Variants in RBFOX1 observed in about 807,000 individuals in gnomAD.
RBFOX1 encodes the protein RNA binding fox-1 homolog 1.
RBFOX1 carries 8 observed loss-of-function variants against 57.7 expected under a neutral mutation model. The ratio of observed to expected loss-of-function variants is 0.14; its 90% CI spans 0.08 to 0.25. The LOEUF is 0.25. RBFOX1 is among the 10% of genes least tolerant of loss of function. The pLI, the probability that RBFOX1 is intolerant of heterozygous loss-of-function variation, is 1.00. For missense variants in RBFOX1, 611 were observed against 548.5 expected, an observed-to-expected ratio of 1.11 and a Z score of -1.14; for synonymous variants, 326 against 222.4, an observed-to-expected ratio of 1.47 and a Z score of -4.15.
intron 4 of RBFOX1, among the ~76,000 whole-genome samples, chr16:7,361,202 G>A (rs1185759171): frequency 1.3e-5 from 2 of 152,118 alleles, no homozygotes; most frequent in Non-Finnish European, 2.9e-5. Context: ...AGTGAAGCCA[G>A]TTTCGTTTTA....
chr16:7,064,075 CTGTACT>C (rs1197839595), intron 4 of RBFOX1, among the ~76,000 whole-genome samples: 1 of 151,654 alleles, frequency 6.6e-6, no homozygotes, highest in Non-Finnish European at 1.5e-5. Flanking sequence ...CAGAATGTGA[CTGTACT>C]TGAAGCTAAG....
chr16:6,814,648 G>C (rs575125694), intron 3 of RBFOX1, among the ~76,000 whole-genome samples: 105 of 152,290 alleles, frequency 6.9e-4, no homozygotes, highest in African/African-American at 2.4e-3. Context: ...AGGGGACAAA[G>C]AGGCTAAGGG....
intron 3 of RBFOX1, among the ~76,000 whole-genome samples, chr16:6,898,947 G>T (rs1260336995): frequency 6.6e-6 from 1 of 151,270 alleles, no homozygotes; most frequent in Admixed American, 6.6e-5. Flanking sequence ...GTGTATATGT[G>T]TATAATACAT....
chr16:6,636,506 T>C (rs1169788939), intron 2 of RBFOX1, among the ~76,000 whole-genome samples: 3 of 151,924 alleles, frequency 2.0e-5, no homozygotes, highest in African/African-American at 7.3e-5. Context: ...GCTCAACCTT[T>C]AATAACAATA....
chr16:6,977,192 A>G (rs555793394), intron 3 of RBFOX1, among the ~76,000 whole-genome samples: 1 of 145,202 alleles, frequency 6.9e-6, no homozygotes, highest in Non-Finnish European at 1.5e-5. Context: ...TATATATCAC[A>G]TATATATGTT....
chr16:5,669,130 C>T (rs1465851757), intron 3 of RBFOX1, among the ~76,000 whole-genome samples: 1 of 152,142 alleles, frequency 6.6e-6, no homozygotes, highest in Non-Finnish European at 1.5e-5. Context: ...TCTCATGGAG[C>T]TGAAAATTCC....
At chr16:5,582,773 C>T (rs540150301) in intron 2 of RBFOX1, among the ~76,000 whole-genome samples, 53 of 152,138 alleles carry the variant, frequency 3.5e-4, no homozygotes, top group Non-Finnish European at 6.2e-4. Flanking sequence ...TCGGATGACC[C>T]TGGGAAGTTC....
At chr16:7,333,514 C>T (rs1349324971) in intron 4 of RBFOX1, among the ~76,000 whole-genome samples, 3 of 152,132 alleles carry the variant, frequency 2.0e-5, no homozygotes, top group Admixed American at 1.3e-4. Flanking sequence ...ATTCATAGGA[C>T]GCCTCCACAC....
intron 3 of RBFOX1, among the ~76,000 whole-genome samples, chr16:6,933,080 C>G (rs76380251): frequency 6.6e-6 from 1 of 152,206 alleles, no homozygotes; most frequent in Admixed American, 6.5e-5. Flanking sequence ...GATTTCTTCC[C>G]TGTCTAAGGA....
chr16:6,780,918 C>G (rs2080908900), intron 3 of RBFOX1, among the ~76,000 whole-genome samples: 1 of 152,046 alleles, frequency 6.6e-6, no homozygotes, highest in Admixed American at 6.6e-5. Flanking sequence ...GGGTAGTTGG[C>G]AAATGTTTTC....
intron 2 of RBFOX1, among the ~76,000 whole-genome samples, chr16:6,481,230 C>T (rs558662138): frequency 2.6e-5 from 4 of 152,226 alleles, no homozygotes; most frequent in Non-Finnish European, 5.9e-5. Context: ...AAACAACCTT[C>T]TCTCTGTATC....
intron 4 of RBFOX1, among the ~76,000 whole-genome samples, chr16:5,875,084 A>G (rs902585833): frequency 6.6e-6 from 1 of 152,222 alleles, no homozygotes; most frequent in Non-Finnish European, 1.5e-5. Context: ...GACATCCAAA[A>G]GCACTTAGCG....
intron 1 of RBFOX1, among the ~76,000 whole-genome samples, chr16:6,164,055 C>G (rs1159466499): frequency 6.6e-6 from 1 of 152,138 alleles, no homozygotes; most frequent in African/African-American, 2.4e-5. Context: ...ACAAAAATTG[C>G]TGATAGAATT....
chr16:6,356,729 C>G (rs958690294), intron 2 of RBFOX1, among the ~76,000 whole-genome samples: 1 of 152,074 alleles, frequency 6.6e-6, no homozygotes, highest in East Asian at 1.9e-4. Context: ...GGACATTAGG[C>G]GAAAAACAAG....
chr16:5,423,487 T>G (rs1479469496), intron 1 of RBFOX1, among the ~76,000 whole-genome samples: 4 of 152,148 alleles, frequency 2.6e-5, no homozygotes, highest in Non-Finnish European at 4.4e-5. Flanking sequence ...ACAGGGAGCA[T>G]TTTGAGCTTC....
rs141856771 is a variant in RBFOX1, at chr16:5,366,265, C to T, written c.220-100951C>T. The T allele has an allele frequency of 1.9e-3, 746 of 393,058 alleles. 8 individuals are homozygous for T. The highest frequency in any genetic ancestry group is 0.015 in the African/African-American group (716 of 47,854). 24.3% of individuals were successfully genotyped at this position (393,058 alleles called of 1,614,324 possible). A position where few individuals can be genotyped will look rare whatever the true frequency, so the allele number is the denominator to read the frequency against. On this transcript the variant is annotated intron_variant, in intron 1 of 2. Transcript: ENST00000585867. ...GTTCCACAGAAAAAAGTAAAACTTG[C>T]TGCCGATGAAGATGATGCTGGTCAT... is the stretch of plus-strand genomic sequence containing the variant.
chr16:5,686,201 A>G, intron 3 of RBFOX1, among the ~76,000 whole-genome samples: 1 of 152,170 alleles, frequency 6.6e-6, no homozygotes, highest in Non-Finnish European at 1.5e-5. Flanking sequence ...CAAGAGGAAG[A>G]TACACACAGA....
At chr16:6,558,196 G>A (rs1008044521) in intron 2 of RBFOX1, among the ~76,000 whole-genome samples, 3 of 152,164 alleles carry the variant, frequency 2.0e-5, no homozygotes, top group African/African-American at 4.8e-5. Context: ...GTAACGTGCA[G>A]GTGTGTTGGG....
intron 2 of RBFOX1, among the ~76,000 whole-genome samples, chr16:5,546,085 A>G (rs779963752): frequency 1.3e-5 from 2 of 152,188 alleles, no homozygotes; most frequent in Admixed American, 6.5e-5. Context: ...ATCAAATGAA[A>G]TAATAAGGAA....
Sources: gnomAD v4.1 joint callset for allele counts (sites outside exome capture counted in the v4.1 genomes callset) on GRCh38, gnomAD v4.1.1 for gene constraint, MANE v1.5 for transcripts, NCBI Gene and HGNC (gene_info 2026-07-23, HGNC 2026-07-21) for gene names.